The following RIMKLB variants were observed in gnomAD, a reference collection of about 807,000 sequenced individuals.
RIMKLB encodes beta-citrylglutamate synthase B.
A neutral mutation model predicts 32.0 loss-of-function variants in RIMKLB; 7 were observed. The ratio of observed to expected loss-of-function variants is 0.22; its 90% CI spans 0.12 to 0.41. The LOEUF (loss-of-function observed/expected upper bound fraction) is 0.41. RIMKLB is among the 10% of genes least tolerant of loss of function. The pLI, the probability that RIMKLB is intolerant of heterozygous loss-of-function variation, is 1.00. For missense variants in RIMKLB, 289 were observed against 498.7 expected (o/e 0.58, Z 4.00); for synonymous variants, 172 against 185.1 (o/e 0.93, Z 0.57).
intron 2 of RIMKLB, among the ~76,000 whole-genome samples, chr12:8,723,623 A>G (rs1282509084): frequency 2.6e-5 from 4 of 152,086 alleles, no homozygotes; most frequent in Non-Finnish European, 5.9e-5. Context: ...TGTATATTTA[A>G]TCTATTTGGA....
At chr12:8,670,958 C>T in the RIMKLB span, among the ~76,000 whole-genome samples, 3 of 152,352 alleles carry the variant, frequency 2.0e-5, no homozygotes, top group South Asian at 2.1e-4. Context: ...TTCCACCCTC[C>T]GAAGCCACAG....
chr12:8,765,040 G>C (rs1949840625), intron 5 of RIMKLB, among the ~76,000 whole-genome samples: 1 of 151,104 alleles, frequency 6.6e-6, no homozygotes, highest in Admixed American at 6.6e-5. Context: ...GTTTTGCTCA[G>C]GGCCTAAGGC....
downstream of RIMKLB, among the ~76,000 whole-genome samples, chr12:8,781,861 G>GTAAATGTCAATTAAA (rs1951078107): frequency 6.6e-6 from 1 of 152,000 alleles, no homozygotes; most frequent in Non-Finnish European, 1.5e-5. Context: ...TTTATAGAAT[G>GTAAATGTCAATTAAA]TAAATGTCAA....
intron 5 of RIMKLB, among the ~76,000 whole-genome samples, chr12:8,771,868 GTTTTGTTTTTGTTTTGTTTTGT>G: frequency 6.6e-6 from 1 of 151,900 alleles, no homozygotes; most frequent in Admixed American, 6.6e-5. Context: ...CAGTTCTCCA[GTTTTGTTTTTGTTTTGTTTTGT>G]TTTTGTTTTT....
intron 1 of RIMKLB, among the ~76,000 whole-genome samples, chr12:8,684,982 G>C (rs1942528966): frequency 6.6e-6 from 1 of 152,172 alleles, no homozygotes; most frequent in African/African-American, 2.4e-5. Flanking sequence ...ATTAATTTTT[G>C]TATGTAAACC....
chr12:8,706,123 T>C, intron 1 of RIMKLB, among the ~76,000 whole-genome samples: 1 of 152,154 alleles, frequency 6.6e-6, no homozygotes, highest in Non-Finnish European at 1.5e-5. Context: ...TTTCTGTGAA[T>C]AAAAATACAT....
At chr12:8,741,810 G>C (rs1487379937) in intron 2 of RIMKLB, among the ~76,000 whole-genome samples, 1 of 151,768 alleles carries the variant, frequency 6.6e-6, no homozygotes, top group Non-Finnish European at 1.5e-5. Flanking sequence ...CTCCCTGGGT[G>C]ACAGGATCAG....
Position 8,714,086 on chromosome 12 carries a change from A to G in RIMKLB, c.175+45A>G, listed in dbSNP as rs751846175. The G allele has an allele frequency of 2.2e-5, 34 of 1,513,324 alleles. 1 individual carries two copies. The East Asian group carries it at 7.2e-4, about 32-fold the overall frequency. The allele number at this position is 1,513,324 out of a possible 1,614,324, so 93.7% of individuals were successfully genotyped here. On this transcript the variant is annotated intron_variant, in intron 2 of 5. Transcript: ENST00000535829. ...GATCTTTTGGATTTTTACCTAGAAT[A>G]TGATGAATCTGCATGTTTTAGGAAT... is the stretch of plus-strand genomic sequence containing the variant.
At chr12:8,691,483 G>A (rs1207835004) in intron 1 of RIMKLB, among the ~76,000 whole-genome samples, 1 of 152,026 alleles carries the variant, frequency 6.6e-6, no homozygotes, top group Non-Finnish European at 1.5e-5. Context: ...AGTGGTGCAT[G>A]CCTGTAATCC....
At chr12:8,672,219 AG>A in the RIMKLB span, among the ~76,000 whole-genome samples, 1 of 152,186 alleles carries the variant, frequency 6.6e-6, no homozygotes, top group Non-Finnish European at 1.5e-5. Context: ...ACAAGTCTCT[AG>A]GAAGTTCCAA....
Position 8,776,356 on chromosome 12 carries a change from A to G in RIMKLB, c.*2572A>G, listed in dbSNP as rs1950726156. 1.0e-6 allele frequency: 1 copy of G among 983,618 alleles called. No individual in the cohort carries two copies. Among genetic ancestry groups the G allele is most frequent in the East Asian group, 1.1e-4 (1 of 8,812 alleles). 60.9% of individuals were successfully genotyped at this position (983,618 alleles called of 1,614,324 possible). On this transcript the variant is annotated 3_prime_UTR_variant, in exon 6 of 6. Coordinates refer to ENST00000535829, the MANE Select transcript of RIMKLB (RefSeq NM_001297776.2). ...TTGAATTCCTTCAAGATTGAGGTAG[A>G]GAATAAGAGCAAATCATTCTGGAAG...
chr12:8,728,112 A>G (rs1220476690), intron 2 of RIMKLB, among the ~76,000 whole-genome samples: 2 of 152,258 alleles, frequency 1.3e-5, no homozygotes, highest in Middle Eastern at 3.4e-3. Flanking sequence ...TACAATTCCC[A>G]TATCTCTCCT....
At chr12:8,779,986 T>C (rs1285291401), downstream of RIMKLB, 1 of 152,202 alleles carries the variant, frequency 6.6e-6, no homozygotes, top group African/African-American at 2.4e-5. Flanking sequence ...GCAAAAAATA[T>C]ACCCACTGCT....
At position 8,775,852 on chromosome 12, in the gene RIMKLB, A is replaced by G. The variant is rs945224316; in HGVS notation, c.*2068A>G. 2.0e-5 allele frequency: 20 copies of G among 985,060 alleles called. No homozygotes were observed. The highest frequency in any genetic ancestry group is 2.3e-5 in the Non-Finnish European group (19 of 829,676). 61.0% of individuals were successfully genotyped at this position (985,060 alleles called of 1,614,324 possible). ...TTAGGATATTCTAATTGCATTTAAA[A>G]GAACTTATCTTGCGCAGGGTAAATG... On this transcript the variant is annotated 3_prime_UTR_variant, in exon 6 of 6. Transcript: ENST00000535829.
intron 1 of RIMKLB, among the ~76,000 whole-genome samples, chr12:8,690,358 T>C: frequency 6.6e-6 from 1 of 152,172 alleles, no homozygotes; most frequent in East Asian, 1.9e-4. Context: ...ATAATGTATG[T>C]ACCATTATTT....
At chr12:8,759,866 A>G (rs1202129231) in intron 5 of RIMKLB, among the ~76,000 whole-genome samples, 5 of 152,234 alleles carry the variant, frequency 3.3e-5, no homozygotes, top group Non-Finnish European at 7.3e-5. Flanking sequence ...AAGGAGATTG[A>G]TTCTATTAGA....
Position 8,718,524 on chromosome 12 carries a change from T to C in RIMKLB, c.175+4483T>C, listed in dbSNP as rs1207971898. ...TGGGCCTGGTGGCATGCGCCTGTAG[T>C]CCCAGCTACTCAGGAGGCTGAGTCA... On this transcript the variant is annotated intron_variant, in intron 2 of 5. Coordinates refer to ENST00000535829, the MANE Select transcript of RIMKLB (RefSeq NM_001297776.2). Among the ~76,000 whole-genome samples the C allele has an allele frequency of 1.2e-4, 19 of 152,086 alleles. 1 individual carries two copies. Among genetic ancestry groups the C allele is most frequent in the Admixed American group, 1.2e-3 (19 of 15,278 alleles).
chr12:8,684,419 C>A (rs7955500), intron 1 of RIMKLB, among the ~76,000 whole-genome samples: 1 of 152,088 alleles, frequency 6.6e-6, no homozygotes, highest in African/African-American at 2.4e-5. Flanking sequence ...GTGATCCACC[C>A]GCCCCCGCCT....
upstream of RIMKLB, among the ~76,000 whole-genome samples, chr12:8,694,647 G>A (rs1942834620): frequency 6.6e-6 from 1 of 152,116 alleles, no homozygotes; most frequent in East Asian, 1.9e-4. Flanking sequence ...ACCTGCCTTG[G>A]CCTCCCAAAG....
Sources: gnomAD v4.1 joint callset for allele counts (sites outside exome capture counted in the v4.1 genomes callset) on GRCh38, gnomAD v4.1.1 for gene constraint, MANE v1.5 for transcripts, NCBI Gene and HGNC (gene_info 2026-07-23, HGNC 2026-07-21) for gene names.